The following WSCD2 variants were observed in gnomAD, a reference collection of about 807,000 sequenced individuals.
WSCD2 encodes the protein sialate:O-sulfotransferase 2.
WSCD2 carries 28 observed loss-of-function variants against 55.7 expected under a neutral mutation model. The observed-to-expected ratio is 0.50, with a 90% confidence interval of 0.37 to 0.69. The LOEUF (loss-of-function observed/expected upper bound fraction) is 0.69. Among genes scored for constraint, WSCD2 ranks in the 30% least tolerant of loss-of-function variants. The pLI is 0.00. For missense variants in WSCD2, 616 were observed against 762.1 expected, an observed-to-expected ratio of 0.81 and a Z score of 2.26; for synonymous variants, 301 against 301.9, an observed-to-expected ratio of 1.00 and a Z score of 0.03.
At position 108,248,623 on chromosome 12, in the gene WSCD2, C is replaced by T. The variant is rs12819456; in HGVS notation, c.*280C>T. ...TGGACTCTTTTCTGTCTCCTGGGTCCCTGCCCCCACCACTCTGGGTTCCAT... is the reference window on the plus strand; with the variant it reads ...TGGACTCTTTTCTGTCTCCTGGGTCTCTGCCCCCACCACTCTGGGTTCCAT... On this transcript the variant is annotated 3_prime_UTR_variant, in exon 9 of 9. Transcript: ENST00000547525. The surrounding 1 kb of genome is among the most constrained non-coding windows in gnomAD (Gnocchi z 4.3). The T allele has an allele frequency of 0.39, 450,562 of 1,165,464 alleles. 88,102 individuals carry two copies. The highest frequency in any genetic ancestry group is 0.42 in the Middle Eastern group (1,173 of 2,788). The allele number at this position is 1,165,464 out of a possible 1,614,324, so 72.2% of individuals were successfully genotyped here.
intron 1 of WSCD2, among the ~76,000 whole-genome samples, chr12:108,192,119 C>T (rs116733084): frequency 6.6e-6 from 1 of 152,234 alleles, no homozygotes; most frequent in Non-Finnish European, 1.5e-5. Flanking sequence ...TCCACGACAG[C>T]AAATGTGCTG....
rs552288130 is a variant in WSCD2, at chr12:108,204,359, C to G, written c.383-1930C>G. 1.2e-4 allele frequency among the ~76,000 whole-genome samples: 18 copies of G among 152,210 alleles called. No individual in the cohort carries two copies. In the South Asian group the frequency reaches 3.1e-3, roughly 26 times the overall value. On this transcript the variant is annotated intron_variant, in intron 2 of 8. Coordinates refer to ENST00000547525, the MANE Select transcript of WSCD2 (RefSeq NM_014653.4). ...TCTCCCACCCTACTCCATCATCCCT[C>G]CTTCCTTCCTTTCCTTCCTGCTCTT...
At chr12:108,226,764 G>T (rs908260110) in intron 5 of WSCD2, among the ~76,000 whole-genome samples, 1 of 152,350 alleles carries the variant, frequency 6.6e-6, no homozygotes. Flanking sequence ...TTCAAAAAGT[G>T]AATCGACTTA....
intron 8 of WSCD2, among the ~76,000 whole-genome samples, chr12:108,244,329 G>A (rs1889947278): frequency 6.6e-6 from 1 of 152,146 alleles, no homozygotes; most frequent in Non-Finnish European, 1.5e-5. Context: ...AAGAGAGGAA[G>A]CATTGCCATA....
At chr12:108,130,244 G>A (rs1414835809) in intron 1 of WSCD2, among the ~76,000 whole-genome samples, 1 of 152,224 alleles carries the variant, frequency 6.6e-6, no homozygotes, top group African/African-American at 2.4e-5. Flanking sequence ...TGGGCCAGCG[G>A]GGAGGCAGTG....
chr12:108,151,494 ATGGAG>A (rs1356114382), intron 1 of WSCD2, among the ~76,000 whole-genome samples: 1 of 152,220 alleles, frequency 6.6e-6, no homozygotes, highest in African/African-American at 2.4e-5. Flanking sequence ...GAGGGAAGAG[ATGGAG>A]TACAGGATTC....
At chr12:108,178,236 C>T (rs1265013574) in intron 1 of WSCD2, among the ~76,000 whole-genome samples, 8 of 152,150 alleles carry the variant, frequency 5.3e-5, no homozygotes, top group Admixed American at 1.3e-4. Context: ...GTCTTCATAG[C>T]GTCTTCCCTC....
chr12:108,190,053 G>A (rs1415859427), intron 1 of WSCD2, among the ~76,000 whole-genome samples: 2 of 152,070 alleles, frequency 1.3e-5, no homozygotes, highest in Non-Finnish European at 1.5e-5. Context: ...TAGTTCTCAC[G>A]CTAACCCTAA....
At chr12:108,169,127 T>G (rs535807527) in intron 1 of WSCD2, among the ~76,000 whole-genome samples, 77 of 152,248 alleles carry the variant, frequency 5.1e-4, no homozygotes, top group African/African-American at 1.8e-3. Flanking sequence ...ATCTAATGCC[T>G]TCCATCACCT....
At position 108,196,196 on chromosome 12, in the gene WSCD2, GAGA is replaced by G. The variant is rs2137050021; in HGVS notation, c.367_369del (p.Lys123del). 1 of 1,613,678 alleles carries G rather than the reference GAGA, an allele frequency of 6.2e-7. No individual in the cohort carries two copies. The highest frequency in any genetic ancestry group is 2.2e-5 in the East Asian group (1 of 44,872). On this transcript the variant is annotated inframe_deletion, in exon 2 of 9. Coordinates refer to ENST00000547525, the MANE Select transcript of WSCD2 (RefSeq NM_014653.4). ...AGCCCTCAAGGGGAGGGTTGTCCGG[GAGA>G]AGGAGGAAGAGCGAGGTAAGAGCGA...
chr12:108,236,869 C>T (rs1669969071), intron 7 of WSCD2, among the ~76,000 whole-genome samples: 2 of 152,142 alleles, frequency 1.3e-5, no homozygotes, highest in Admixed American at 1.3e-4. Flanking sequence ...CTCTCCCTGC[C>T]TCTCCCCATC....
intron 1 of WSCD2, among the ~76,000 whole-genome samples, chr12:108,164,937 T>C (rs184512974): frequency 4.9e-4 from 75 of 152,292 alleles, no homozygotes; most frequent in African/African-American, 1.8e-3. Flanking sequence ...TGTGGGCTCA[T>C]TTGCTAACCA....
At chr12:108,218,413 G>A (rs1428716549) in intron 4 of WSCD2, among the ~76,000 whole-genome samples, 1 of 152,192 alleles carries the variant, frequency 6.6e-6, no homozygotes, top group Non-Finnish European at 1.5e-5. Context: ...ATGGCTCTCT[G>A]GTGTGGTGCC....
intron 1 of WSCD2, among the ~76,000 whole-genome samples, chr12:108,171,512 C>T (rs556980081): frequency 1.3e-5 from 2 of 152,298 alleles, no homozygotes; most frequent in East Asian, 3.9e-4. Flanking sequence ...TGTGAAATAT[C>T]TCAATAATGC....
intron 1 of WSCD2, among the ~76,000 whole-genome samples, chr12:108,140,128 C>A (rs780305622): frequency 5.9e-5 from 9 of 152,098 alleles, no homozygotes; most frequent in Admixed American, 3.3e-4. Context: ...CGAGTCACGC[C>A]CAGGGTCAGC....
intron 8 of WSCD2, among the ~76,000 whole-genome samples, chr12:108,245,733 A>G (rs367808571): frequency 2.6e-5 from 4 of 152,366 alleles, no homozygotes; most frequent in African/African-American, 9.6e-5. Context: ...ATTCTGAAAA[A>G]GGAAAACAGA....
intron 7 of WSCD2, among the ~76,000 whole-genome samples, chr12:108,239,941 G>A (rs567655754): frequency 2.0e-4 from 31 of 152,060 alleles, no homozygotes; most frequent in African/African-American, 4.8e-4. Context: ...GGCTGGTTTC[G>A]AACTCCTGGG....
In WSCD2 at chr12:108,227,285, G is replaced by A. The variant is rs891632981; in HGVS notation, c.979+121G>A. 6 of 1,223,980 alleles carry A rather than the reference G, an allele frequency of 4.9e-6. No individual in the cohort carries two copies. The African/African-American group carries it at 9.2e-5, about 19-fold the overall frequency. The allele number at this position is 1,223,980 out of a possible 1,614,324, so 75.8% of individuals were successfully genotyped here. A position where few individuals can be genotyped will look rare whatever the true frequency, so the allele number is the denominator to read the frequency against. ...AAGGAGAAAACCATGCAAGCCAGAG[G>A]GCAGGGCTGATGAACTCCACCAGGC... On this transcript the variant is annotated intron_variant, in intron 6 of 8. Transcript: ENST00000547525.
chr12:108,204,548 C>T (rs1473791701), intron 2 of WSCD2, among the ~76,000 whole-genome samples: 4 of 152,214 alleles, frequency 2.6e-5, no homozygotes, highest in African/African-American at 7.2e-5. Flanking sequence ...ATTCGTGCCC[C>T]AAGTCAAGGG....
Sources: allele counts gnomAD v4.1 joint callset (sites outside exome capture counted in the v4.1 genomes callset), GRCh38; gene constraint gnomAD v4.1.1; non-coding constraint Gnocchi (gnomAD v3.1); transcripts MANE v1.5; gene names NCBI Gene and HGNC (gene_info 2026-07-23, HGNC 2026-07-21).